The following CYP7B1 variants were observed in gnomAD, a reference collection of about 807,000 sequenced individuals.
The protein encoded by CYP7B1 is cytochrome P450 7B1.
Under a neutral mutation model 42.7 loss-of-function variants are expected in CYP7B1, and 29 were observed. The ratio of observed to expected loss-of-function variants is 0.68; its 90% CI spans 0.51 to 0.93. CYP7B1 has a LOEUF of 0.93. Ranked by LOEUF, CYP7B1 falls within the 40% of genes least tolerant of loss-of-function variation. The probability of loss-of-function intolerance (pLI) is 0.00; values close to 1 mark genes in which losing one functional copy is unlikely to be tolerated. For missense variants in CYP7B1, 655 were observed against 600.5 expected, an observed-to-expected ratio of 1.09 and a Z score of -0.95; for synonymous variants, 235 against 218.2, an observed-to-expected ratio of 1.08 and a Z score of -0.68.
intron 1 of CYP7B1, among the ~76,000 whole-genome samples, chr8:64,649,344 A>G (rs900010168): frequency 6.6e-6 from 1 of 152,246 alleles, no homozygotes; most frequent in African/African-American, 2.4e-5. Context: ...TTTTGTTAAT[A>G]TAAAATCCTC....
chr8:64,738,852 C>T (rs1807528551), intron 1 of CYP7B1, among the ~76,000 whole-genome samples: 1 of 152,154 alleles, frequency 6.6e-6, no homozygotes, highest in African/African-American at 2.4e-5. Flanking sequence ...GTAGGAAACA[C>T]TTAAATGGTA....
intron 1 of CYP7B1, among the ~76,000 whole-genome samples, chr8:64,731,758 A>T (rs1373002031): frequency 6.6e-6 from 1 of 152,164 alleles, no homozygotes; most frequent in African/African-American, 2.4e-5. Context: ...ATGTCTTTAG[A>T]TTTGGTGACA....
At chr8:64,618,382 C>A (rs1198734101) in intron 2 of CYP7B1, among the ~76,000 whole-genome samples, 1 of 151,858 alleles carries the variant, frequency 6.6e-6, no homozygotes, top group Non-Finnish European at 1.5e-5. Flanking sequence ...GTAAAACACA[C>A]AATATTTAGA....
At chr8:64,792,388 G>A (rs7821085) in intron 1 of CYP7B1, among the ~76,000 whole-genome samples, 99,355 of 151,980 alleles carry the variant, frequency 0.65, 34,884 homozygotes, top group East Asian at 0.81. Flanking sequence ...TAATATTAAA[G>A]GCACTAATAT....
chr8:64,610,455 C>A (rs1805347646), intron 4 of CYP7B1, among the ~76,000 whole-genome samples: 1 of 152,094 alleles, frequency 6.6e-6, no homozygotes, highest in South Asian at 2.1e-4. Flanking sequence ...ATTATGTAAT[C>A]TTTTAAGCTT....
intron 1 of CYP7B1, among the ~76,000 whole-genome samples, chr8:64,715,892 A>G (rs1338001901): frequency 6.6e-6 from 1 of 152,236 alleles, no homozygotes; most frequent in African/African-American, 2.4e-5. Context: ...AAAGGGAGAA[A>G]CACTCTGTGA....
intron 1 of CYP7B1, among the ~76,000 whole-genome samples, chr8:64,697,494 C>T (rs1806846901): frequency 6.6e-6 from 1 of 152,112 alleles, no homozygotes; most frequent in Non-Finnish European, 1.5e-5. Context: ...TAGTGCCAGG[C>T]ACAGAGTCAG....
chr8:64,776,137 C>T (rs1039106657), intron 1 of CYP7B1, among the ~76,000 whole-genome samples: 2 of 152,070 alleles, frequency 1.3e-5, no homozygotes, highest in African/African-American at 2.4e-5. Context: ...AACAGTAGTT[C>T]GAAGAGGAAA....
intron 1 of CYP7B1, among the ~76,000 whole-genome samples, chr8:64,715,987 A>G (rs1257399683): frequency 6.6e-6 from 1 of 152,184 alleles, no homozygotes; most frequent in Admixed American, 6.5e-5. Context: ...TATTCTTTCA[A>G]CTTAATTTCA....
chr8:64,789,473 C>T (rs1804582722), intron 1 of CYP7B1, among the ~76,000 whole-genome samples: 1 of 152,086 alleles, frequency 6.6e-6, no homozygotes, highest in Non-Finnish European at 1.5e-5. Flanking sequence ...TAATTCATAC[C>T]TACTCCAAAC....
chr8:64,656,168 A>C (rs1421399369), intron 1 of CYP7B1, among the ~76,000 whole-genome samples: 1 of 152,214 alleles, frequency 6.6e-6, no homozygotes, highest in Non-Finnish European at 1.5e-5. Context: ...AAAAAATAAA[A>C]GTTAAAAAAG....
chr8:64,624,653 T>C, intron 1 of CYP7B1, 114 bp from the exon 2 acceptor site: 3 of 1,172,354 alleles, frequency 2.6e-6, no homozygotes, highest in Non-Finnish European at 3.7e-6. Context: ...TTGCACTGCT[T>C]CTTTCTATTC....
intron 1 of CYP7B1, among the ~76,000 whole-genome samples, chr8:64,696,952 T>C (rs939440958): frequency 3.3e-5 from 5 of 152,102 alleles, no homozygotes; most frequent in African/African-American, 1.2e-4. Flanking sequence ...TTGTGAAAAA[T>C]AAATGATGAC....
rs753799233 is a variant in CYP7B1 at position 64,615,735 on chromosome 8, T to A, written c.806A>T (p.Asp269Val). The part of the protein sequence containing the change: ...GWSEVFQSRQ[D>V]VLEKYYVHED... ...GTGCACATAATATTTCTCCAGGACATCTTGCCTGCTTTGAAAAACTTCTGA... is the reference window on the plus strand; with the variant it reads ...GTGCACATAATATTTCTCCAGGACAACTTGCCTGCTTTGAAAAACTTCTGA... The change falls in exon 3 of 6, where the codon GAT becomes GTT. Residue 269 changes from aspartate to valine, a missense_variant. Transcript: ENST00000310193. 6.2e-7 allele frequency: 1 copy of A among 1,613,738 alleles called. No homozygotes were observed. Among genetic ancestry groups the A allele is most frequent in the South Asian group, 1.1e-5 (1 of 91,058 alleles).
chr8:64,690,822 C>T (rs765141475), intron 1 of CYP7B1, among the ~76,000 whole-genome samples: 2 of 152,180 alleles, frequency 1.3e-5, no homozygotes, highest in Non-Finnish European at 2.9e-5. Context: ...TACAAACATC[C>T]CCAGGCATTC....
At chr8:64,764,230 C>CT (rs1554539987) in intron 1 of CYP7B1, among the ~76,000 whole-genome samples, 5 of 696 alleles carry the variant, frequency 7.2e-3, no homozygotes, top group African/African-American at 0.048. Flanking sequence ...TTCCACGCTG[C>CT]CCCCCCCACC....
intron 4 of CYP7B1, among the ~76,000 whole-genome samples, chr8:64,606,877 C>T (rs545337513): frequency 7.2e-5 from 11 of 152,222 alleles, no homozygotes; most frequent in Non-Finnish European, 1.3e-4. Context: ...GACACAAAAG[C>T]GAGCAGCTTT....
rs73241688 is a variant in CYP7B1, at chr8:64,656,101, A to T, written c.123-31562T>A. On this transcript the variant is annotated intron_variant, in intron 1 of 5. Coordinates refer to ENST00000310193, the MANE Select transcript of CYP7B1 (RefSeq NM_004820.5). ...GGGTGATGAAATAATCTGTACAAGA[A>T]GTCCCTGTTACATGAGTTTACCTAT... is the stretch of plus-strand genomic sequence containing the variant. Among the ~76,000 whole-genome samples the T allele has an allele frequency of 8.4e-3, 1,281 of 152,316 alleles. 14 individuals carry two copies. Among genetic ancestry groups the T allele is most frequent in the African/African-American group, 0.029 (1,219 of 41,568 alleles).
chr8:64,749,524 G>C (rs778489181), intron 1 of CYP7B1, among the ~76,000 whole-genome samples: 4 of 152,210 alleles, frequency 2.6e-5, no homozygotes, highest in Non-Finnish European at 5.9e-5. Context: ...GAAAGAAATA[G>C]TGGATTTTAG....
Sources: allele counts gnomAD v4.1 joint callset (sites outside exome capture counted in the v4.1 genomes callset), GRCh38; gene constraint gnomAD v4.1.1; transcripts MANE v1.5; gene names NCBI Gene and HGNC (gene_info 2026-07-23, HGNC 2026-07-21).